The following CNTN4 variants were observed in gnomAD, a reference collection of about 807,000 sequenced individuals.
The protein encoded by CNTN4 is contactin-4.
Under a neutral mutation model 122.5 loss-of-function variants are expected in CNTN4, and 77 were observed. The ratio of observed to expected loss-of-function variants is 0.63; its 90% CI spans 0.52 to 0.76. The LOEUF is 0.76. Ranked by LOEUF, CNTN4 falls within the 30% of genes least tolerant of loss-of-function variation. CNTN4 has a pLI of 0.00. For synonymous variants in CNTN4, 512 were observed against 447.0 expected, an observed-to-expected ratio of 1.15 and a Z score of -1.83; for missense variants, 1,256 against 1,259.1, an observed-to-expected ratio of 1.00 and a Z score of 0.04.
chr3:2,354,532 A>C (rs2044786394), intron 3 of CNTN4, among the ~76,000 whole-genome samples: 1 of 152,206 alleles, frequency 6.6e-6, no homozygotes, highest in South Asian at 2.1e-4. Flanking sequence ...ACTCCATCAG[A>C]AAAGAAAAAC....
intron 6 of CNTN4, among the ~76,000 whole-genome samples, chr3:2,747,371 T>A (rs571039408): frequency 4.7e-5 from 7 of 150,376 alleles, no homozygotes; most frequent in African/African-American, 1.5e-4. Flanking sequence ...ATGGCGCCAC[T>A]GGACTCCAGC....
intron 4 of CNTN4, among the ~76,000 whole-genome samples, chr3:2,711,449 AT>A (rs2087146674): frequency 6.6e-6 from 1 of 152,278 alleles, no homozygotes; most frequent in Non-Finnish European, 1.5e-5. Context: ...ACAAATAGGT[AT>A]TTTTGGAGTC....
chr3:3,000,177 A>C (rs1695897826), intron 14 of CNTN4, among the ~76,000 whole-genome samples: 1 of 151,980 alleles, frequency 6.6e-6, no homozygotes, highest in Admixed American at 6.5e-5. Context: ...CAATATATAT[A>C]CTCTTTAAAA....
At position 2,229,691 on chromosome 3, in the gene CNTN4, A is replaced by G. The variant is rs182001817; in HGVS notation, c.-144-109487A>G. Reference sequence around the variant, plus strand: ...AGTAAGTATTATTATTTTAACTAATATTTACTGAGAACTATGCACCAGAAA... The same window carrying G: ...AGTAAGTATTATTATTTTAACTAATGTTTACTGAGAACTATGCACCAGAAA... On this transcript the variant is annotated intron_variant, in intron 2 of 24. Transcript: ENST00000418658. Among the ~76,000 whole-genome samples the G allele has an allele frequency of 3.3e-4, 50 of 152,310 alleles. No individual in the cohort carries two copies. In the Middle Eastern group the frequency reaches 0.01, roughly 31 times the overall value.
intron 2 of CNTN4, among the ~76,000 whole-genome samples, chr3:2,244,353 A>G (rs1387526747): frequency 6.6e-6 from 1 of 152,050 alleles, no homozygotes; most frequent in Non-Finnish European, 1.5e-5. Context: ...AACCATGAAT[A>G]AGTGGGGACT....
intron 7 of CNTN4, among the ~76,000 whole-genome samples, chr3:2,853,315 G>A (rs1195782428): frequency 1.3e-5 from 2 of 152,118 alleles, no homozygotes; most frequent in South Asian, 2.1e-4. Flanking sequence ...TGCGATCTCG[G>A]CTCACTGCAA....
At chr3:2,967,769 A>G (rs1692476868) in intron 13 of CNTN4, among the ~76,000 whole-genome samples, 1 of 152,048 alleles carries the variant, frequency 6.6e-6, no homozygotes, top group Non-Finnish European at 1.5e-5. Flanking sequence ...TGGTGTGTAT[A>G]TGAACACATT....
At chr3:2,809,155 T>A (rs2092543844) in intron 6 of CNTN4, among the ~76,000 whole-genome samples, 1 of 152,170 alleles carries the variant, frequency 6.6e-6, no homozygotes. Flanking sequence ...TAGTTGCAGA[T>A]GGCGGCGGTG....
chr3:2,889,030 G>A (rs2094008565), intron 10 of CNTN4, among the ~76,000 whole-genome samples: 1 of 151,954 alleles, frequency 6.6e-6, no homozygotes, highest in African/African-American at 2.4e-5. Context: ...AGGAAGGGAG[G>A]GAGGGAGGGA....
chr3:2,536,952 G>A (rs560872426), intron 3 of CNTN4, among the ~76,000 whole-genome samples: 1 of 152,066 alleles, frequency 6.6e-6, no homozygotes, highest in African/African-American at 2.4e-5. Flanking sequence ...TCTTTCCTCA[G>A]CTTGTCTCAT....
In CNTN4 at chr3:2,331,108, G is replaced by A. The variant is rs143053001; in HGVS notation, c.-144-8070G>A. On this transcript the variant is annotated intron_variant, in intron 2 of 24. Transcript: ENST00000418658. The stretch of plus-strand genomic sequence containing the variant: ...TGGTTCTGCAGATTGCCAGCACATT[G>A]ACATTTCCTGTATGGTTTCCCAATG... 7.7e-4 allele frequency among the ~76,000 whole-genome samples: 117 copies of A among 152,216 alleles called. 1 individual carries two copies. Among genetic ancestry groups the A allele is most frequent in the South Asian group, 4.4e-3 (21 of 4,826 alleles).
intron 3 of CNTN4, among the ~76,000 whole-genome samples, chr3:2,409,969 T>C (rs1464439704): frequency 6.6e-6 from 1 of 152,186 alleles, no homozygotes; most frequent in African/African-American, 2.4e-5. Flanking sequence ...TAAGAAAAGA[T>C]TCTACTGGGT....
intron 2 of CNTN4, among the ~76,000 whole-genome samples, chr3:2,206,967 C>G (rs143807339): frequency 1.3e-5 from 2 of 151,510 alleles, no homozygotes; most frequent in Non-Finnish European, 2.9e-5. Flanking sequence ...AGCATATGCT[C>G]ACTTTGTGTC....
intron 2 of CNTN4, among the ~76,000 whole-genome samples, chr3:2,295,311 C>A (rs1425176736): frequency 7.1e-6 from 1 of 139,964 alleles, no homozygotes; most frequent in Non-Finnish European, 1.5e-5. Flanking sequence ...AAAAGTGTTC[C>A]TATTTCTCCA....
At chr3:2,400,403 G>GA (rs2046797625) in intron 3 of CNTN4, among the ~76,000 whole-genome samples, 2 of 78,230 alleles carry the variant, frequency 2.6e-5, no homozygotes. Flanking sequence ...GTATGTGTGT[G>GA]AATATATATA....
At chr3:2,956,163 G>C (rs115732821) in intron 13 of CNTN4, among the ~76,000 whole-genome samples, 1 of 152,156 alleles carries the variant, frequency 6.6e-6, no homozygotes, top group Non-Finnish European at 1.5e-5. Flanking sequence ...AAAACATCAT[G>C]TTAAATGAAA....
rs568339023 is a variant in CNTN4 at position 2,104,922 on chromosome 3, A to G, written c.-145+4283A>G. Among the ~76,000 whole-genome samples, 13 of 152,172 alleles carry G rather than the reference A, an allele frequency of 8.5e-5. No homozygotes were observed. In the East Asian group the frequency reaches 2.1e-3, roughly 25 times the overall value. On this transcript the variant is annotated intron_variant, in intron 2 of 24. Transcript: ENST00000418658. The stretch of plus-strand genomic sequence containing the variant: ...CCTTTTAATTTTGACCTCTATTACT[A>G]TCCCATTCTTAGTGCATATGGTCTG...
chr3:2,656,368 A>G (rs1011286480), intron 4 of CNTN4, among the ~76,000 whole-genome samples: 1 of 152,256 alleles, frequency 6.6e-6, no homozygotes, highest in Non-Finnish European at 1.5e-5. Flanking sequence ...TTATAATCCC[A>G]GATTAAATTG....
chr3:2,432,578 C>G (rs540235616), intron 3 of CNTN4, among the ~76,000 whole-genome samples: 2 of 150,908 alleles, frequency 1.3e-5, no homozygotes, highest in African/African-American at 4.9e-5. Flanking sequence ...GTATTCCACC[C>G]TGTGTGTGTG....
Sources: gnomAD v4.1 joint callset for allele counts (sites outside exome capture counted in the v4.1 genomes callset) on GRCh38, gnomAD v4.1.1 for gene constraint, MANE v1.5 for transcripts, NCBI Gene and HGNC (gene_info 2026-07-23, HGNC 2026-07-21) for gene names.